DST: variants seen among roughly 807,000 people sequenced by gnomAD.
DST encodes the protein bullous pemphigoid antigen.
DST carries 253 observed loss-of-function variants against 875.2 expected under a neutral mutation model. The ratio of observed to expected loss-of-function variants is 0.29; its 90% CI spans 0.26 to 0.32. The LOEUF (loss-of-function observed/expected upper bound fraction) is 0.32, where lower values mean the gene tolerates loss of function less well. Ranked by LOEUF, DST falls within the 10% of genes least tolerant of loss-of-function variation. The pLI is 1.00. For synonymous variants in DST, 3,124 were observed against 3,197.1 expected (o/e 0.98, Z 0.77); for missense variants, 8,287 against 9,111.6 (o/e 0.91, Z 3.68).
Position 56,573,903 on chromosome 6 carries a change from C to G in DST, c.13028-16G>C, listed in dbSNP as rs114193251. On this transcript the variant is annotated splice_polypyrimidine_tract_variant and intron_variant, in intron 50 of 103. Coordinates refer to ENST00000680361, the MANE Select transcript of DST (RefSeq NM_001374736.1). The stretch of plus-strand genomic sequence containing the variant: ...ACAATGTCATCTACTCCAAACAGAT[C>G]AGGAATATTAACCACAAAGTTCTCT... The G allele has an allele frequency of 1.3e-6, 2 of 1,587,398 alleles. No individual in the cohort carries two copies. Among genetic ancestry groups the G allele is most frequent in the East Asian group, 4.5e-5 (2 of 44,522 alleles).
Position 56,634,862 on chromosome 6 carries a change from G to A in DST, c.3278C>T (p.Ser1093Phe). The change falls in exon 25 of 104, where the codon TCT becomes TTT. Residue 1093 changes from serine (S) to phenylalanine (F), a missense_variant. By Grantham distance (155) the Ser-to-Phe change is radical. Around this residue, in one of 10 missense-constraint regions of DST, gnomAD observed 1,160 missense variants for 1,424.3 expected, o/e 0.81. Coordinates refer to ENST00000680361, the MANE Select transcript of DST (RefSeq NM_001374736.1). ...AATAGAAGTTTTGAGTGGACAGTCA[G>A]AATTCCTTGGCTTCAGTTGAATTAT... ...KTIIQLKPRN[S>F]DCPLKTSIPI... The A allele has an allele frequency of 6.2e-7, 1 of 1,613,996 alleles. No individual in the cohort carries two copies. The highest frequency in any genetic ancestry group is 1.1e-5 in the South Asian group (1 of 91,066).
intron 3 of DST, among the ~76,000 whole-genome samples, chr6:56,889,586 T>G (rs1183754251): frequency 2.0e-5 from 3 of 152,208 alleles, no homozygotes; most frequent in Non-Finnish European, 2.9e-5. Flanking sequence ...TGAGAAAGTC[T>G]CAAAGATTCT....
chr6:56,631,984 G>A lies in DST; in HGVS notation c.3862C>T (p.Leu1288Phe). 1.2e-6 allele frequency: 2 copies of A among 1,613,522 alleles called. No homozygotes were observed. The highest frequency in any genetic ancestry group is 1.7e-6 in the Non-Finnish European group (2 of 1,179,504). Residue 1288 changes from leucine (L) to phenylalanine (F), a missense_variant, in exon 29 of 104, where the codon CTT becomes TTT. Physicochemically the swap from Leu to Phe is conservative, Grantham distance 22 (BLOSUM62 0). Around this residue, in one of 10 missense-constraint regions of DST, gnomAD observed 3,138 missense variants for 3,116.6 expected, o/e 1.01. Transcript: ENST00000680361. ...LYISEVRNIR[L>F]RLENCEDRLI... ...CGATCTTCACAGTTCTCTAACCGAAGTCTAATGTTTCGAACTTCAGAGATG... is the reference window on the plus strand; with the variant it reads ...CGATCTTCACAGTTCTCTAACCGAAATCTAATGTTTCGAACTTCAGAGATG...
Position 56,476,211 on chromosome 6 carries a change from T to C in DST, c.21802A>G (p.Lys7268Glu). The C allele has an allele frequency of 6.2e-7, 1 of 1,613,032 alleles. No individual in the cohort carries two copies. The highest frequency in any genetic ancestry group is 8.5e-7 in the Non-Finnish European group (1 of 1,179,488). Reference sequence around the variant, plus strand: ...TCCTGGGGGATGACTTCTTTATCCTTATCAGTAAGTGTAGTTTCAGCCCAT... The same window carrying C: ...TCCTGGGGGATGACTTCTTTATCCTCATCAGTAAGTGTAGTTTCAGCCCAT... ...LQWAETTLTDKDKEVIPQEIE... is the reference protein window; with the variant it reads ...LQWAETTLTDEDKEVIPQEIE... The change falls in exon 92 of 104, where the codon AAG becomes GAG. Residue 7268 changes from lysine to glutamate, a missense_variant. By Grantham distance (56) the Lys-to-Glu change is moderately conservative. This residue lies in a region of DST where 1,292 missense variants were observed against 1,552.7 expected (regional missense o/e 0.83). Transcript: ENST00000680361.
intron 47 of DST, among the ~76,000 whole-genome samples, chr6:56,595,872 T>A (rs930961374): frequency 6.0e-5 from 9 of 150,740 alleles, no homozygotes; most frequent in African/African-American, 2.2e-4. Flanking sequence ...CCCTTCCTCC[T>A]ACAGATGAGG....
chr6:56,774,139 A>C (rs1212421953), intron 4 of DST, among the ~76,000 whole-genome samples: 1 of 150,430 alleles, frequency 6.6e-6, no homozygotes, highest in Non-Finnish European at 1.5e-5. Context: ...AAAAGAATTT[A>C]TCTCAGATCT....
chr6:56,951,955 G>C (rs1223043531), intron 2 of DST, among the ~76,000 whole-genome samples: 1 of 152,076 alleles, frequency 6.6e-6, no homozygotes, highest in African/African-American at 2.4e-5. Context: ...TCAGGAACTA[G>C]CACCCACTAG....
chr6:56,591,353 A>C (rs2098269086), intron 49 of DST, among the ~76,000 whole-genome samples: 1 of 152,192 alleles, frequency 6.6e-6, no homozygotes, highest in Non-Finnish European at 1.5e-5. Flanking sequence ...AATCATGAAG[A>C]TATTCAGTAA....
At chr6:56,573,330 C>G (rs1430103838) in intron 51 of DST, among the ~76,000 whole-genome samples, 1 of 152,188 alleles carries the variant, frequency 6.6e-6, no homozygotes, top group Admixed American at 6.5e-5. Context: ...CTAATGGAGC[C>G]TGGGGATTAG....
Position 56,606,508 on chromosome 6 carries a change from T to A in DST, c.8120A>T (p.His2707Leu). The A allele has an allele frequency of 6.2e-7, 1 of 1,613,452 alleles. No individual in the cohort carries two copies. Among genetic ancestry groups the A allele is most frequent in the Non-Finnish European group, 8.5e-7 (1 of 1,179,578 alleles). Residue 2707 changes from histidine (H) to leucine (L), a missense_variant, in exon 40 of 104, where the codon CAT (histidine) becomes CTT (leucine). This residue lies in a region of DST where 3,138 missense variants were observed against 3,116.6 expected (regional missense o/e 1.01). Coordinates refer to ENST00000680361, the MANE Select transcript of DST (RefSeq NM_001374736.1). The part of the protein sequence containing the change: ...KDELDSGEKI[H>L]LNPVGSDKVN... ...CTTATCTGAGCCAACAGGATTTAAA[T>A]GTATTTTTTCACCAGAATCTAATTC...
chr6:56,884,870 A>G (rs1783911469), intron 3 of DST, among the ~76,000 whole-genome samples: 1 of 152,148 alleles, frequency 6.6e-6, no homozygotes, highest in African/African-American at 2.4e-5. Flanking sequence ...CTGAGACTAC[A>G]GGCACGTGCC....
At chr6:56,907,713 A>T (rs1797008254) in intron 2 of DST, among the ~76,000 whole-genome samples, 1 of 152,244 alleles carries the variant, frequency 6.6e-6, no homozygotes, top group South Asian at 2.1e-4. Flanking sequence ...TAAAACAAGA[A>T]AAGATCTATT....
chr6:56,603,480 T>C (rs1452209096), intron 41 of DST, 60 bp from the exon 42 acceptor site: 2 of 1,594,458 alleles, frequency 1.3e-6, no homozygotes. Context: ...AATATAAACA[T>C]GAAACATAGA....
At chr6:56,763,813 C>T (rs2152967516) in intron 4 of DST, among the ~76,000 whole-genome samples, 1 of 151,694 alleles carries the variant, frequency 6.6e-6, no homozygotes, top group Non-Finnish European at 1.5e-5. Flanking sequence ...GGTCCAATCC[C>T]ACAAGGAACT....
chr6:56,902,477 T>C (rs1794569096), intron 2 of DST, among the ~76,000 whole-genome samples: 1 of 152,206 alleles, frequency 6.6e-6, no homozygotes, highest in African/African-American at 2.4e-5. Flanking sequence ...ATGGAGAGCC[T>C]GTACACCAGG....
chr6:56,506,829 A>G (rs756651590), intron 75 of DST, 40 bp from the exon 76 acceptor site: 4 of 1,578,088 alleles, frequency 2.5e-6, no homozygotes, highest in African/African-American at 2.7e-5. Flanking sequence ...TTTAAGCAAA[A>G]CCACATCAAA....
chr6:56,795,534 G>A (rs1224960472), intron 4 of DST, among the ~76,000 whole-genome samples: 1 of 152,128 alleles, frequency 6.6e-6, no homozygotes, highest in Non-Finnish European at 1.5e-5. Context: ...AGCAATGAGA[G>A]ACAAAGAAAA....
chr6:56,602,108 G>A, intron 43 of DST: 1 of 293,306 alleles, frequency 3.4e-6, no homozygotes. Context: ...AAATATGCCA[G>A]AATTTCAGTT....
At chr6:56,861,172 CACTT>C (rs1363175432) in intron 3 of DST, among the ~76,000 whole-genome samples, 3 of 152,196 alleles carry the variant, frequency 2.0e-5, no homozygotes, top group Non-Finnish European at 4.4e-5. Context: ...AAACAGTAGA[CACTT>C]AAGTGAAATA....
Sources: allele counts gnomAD v4.1 joint callset (sites outside exome capture counted in the v4.1 genomes callset), GRCh38; gene constraint gnomAD v4.1.1; regional missense constraint gnomAD v4.1.1; transcripts MANE v1.5; gene names NCBI Gene and HGNC (gene_info 2026-07-23, HGNC 2026-07-21).